The following ANK3 variants were observed in gnomAD, a reference collection of about 807,000 sequenced individuals.
ANK3 encodes ankyrin 3.
A neutral mutation model predicts 370.9 loss-of-function variants in ANK3; 57 were observed. The ratio of observed to expected loss-of-function variants is 0.15; its 90% CI spans 0.12 to 0.19. The LOEUF (loss-of-function observed/expected upper bound fraction) is 0.19, where lower values mean the gene tolerates loss of function less well. ANK3 is among the 10% of genes least tolerant of loss of function. The pLI is 1.00. For synonymous variants in ANK3, 1,929 were observed against 1,946.3 expected, an observed-to-expected ratio of 0.99 and a Z score of 0.23; for missense variants, 4,439 against 5,302.1, an observed-to-expected ratio of 0.84 and a Z score of 5.06.
In ANK3 at chr10:60,487,045, T is replaced by A. The variant is rs138693539; in HGVS notation, c.96+128141A>T. Among the ~76,000 whole-genome samples the A allele has an allele frequency of 4.4e-4, 67 of 152,264 alleles. 1 individual carries two copies. Among genetic ancestry groups the A allele is most frequent in the African/African-American group, 1.5e-3 (61 of 41,568 alleles). On this transcript the variant is annotated intron_variant, in intron 2 of 43. Transcript: ENST00000373827. ...TCCCAAATTTAATAACACAAATATA[T>A]TATTTGTTCCAAAAGTTAGAGCGAT... is the stretch of plus-strand genomic sequence containing the variant.
chr10:60,096,940 T>C (rs182415914), intron 28 of ANK3, among the ~76,000 whole-genome samples: 3 of 152,308 alleles, frequency 2.0e-5, no homozygotes, highest in African/African-American at 7.2e-5. Context: ...CCATAGACTA[T>C]GAAAAGACCC....
chr10:60,608,204 A>C (rs1190588383), intron 2 of ANK3, among the ~76,000 whole-genome samples: 1 of 152,198 alleles, frequency 6.6e-6, no homozygotes, highest in Non-Finnish European at 1.5e-5. Context: ...ATCATATAGC[A>C]CATAATGGCC....
intron 1 of ANK3, among the ~76,000 whole-genome samples, chr10:60,320,872 C>T (rs1291667471): frequency 1.3e-5 from 2 of 152,130 alleles, no homozygotes; most frequent in Non-Finnish European, 2.9e-5. Context: ...TGACTTCATG[C>T]AGCAGTGATT....
At chr10:60,357,233 A>G (rs1351259974) in intron 1 of ANK3, among the ~76,000 whole-genome samples, 2 of 152,142 alleles carry the variant, frequency 1.3e-5, no homozygotes, top group Non-Finnish European at 1.5e-5. Context: ...CTTCAGCCAT[A>G]CACTGGTGTG....
intron 23 of ANK3, among the ~76,000 whole-genome samples, chr10:60,157,886 AAG>A (rs59965251): frequency 0.11 from 14,255 of 132,596 alleles, 773 homozygotes; most frequent in Non-Finnish European, 0.13. Context: ...GAGAGAGAAA[AAG>A]AGAGAGAGAG....
At chr10:60,290,616 C>T (rs2041125948) in intron 1 of ANK3, among the ~76,000 whole-genome samples, 1 of 152,186 alleles carries the variant, frequency 6.6e-6, no homozygotes, top group Middle Eastern at 3.2e-3. Context: ...AGCTACAAGG[C>T]TGCCTTTGCA....
At chr10:60,085,610 C>CTTTTTTTT (rs10601268) in intron 30 of ANK3, among the ~76,000 whole-genome samples, 2 of 109,932 alleles carry the variant, frequency 1.8e-5, no homozygotes, top group East Asian at 3.3e-4. Flanking sequence ...GTCTCTTACT[C>CTTTTTTTT]TTTTTTTTTT....
At position 60,562,218 on chromosome 10, in the gene ANK3, G is replaced by T. The variant is rs555092622; in HGVS notation, c.96+52968C>A. Among the ~76,000 whole-genome samples, 6 of 152,264 alleles carry T rather than the reference G, an allele frequency of 3.9e-5. No homozygotes were observed. The East Asian group carries it at 9.7e-4, about 25-fold the overall frequency. ...TAGAAGTGAAAGATGAAAGTTTTAAGGTTGTCTACAAAGACAGCCTGCATT... is the reference window on the plus strand; with the variant it reads ...TAGAAGTGAAAGATGAAAGTTTTAATGTTGTCTACAAAGACAGCCTGCATT... On this transcript the variant is annotated intron_variant, in intron 2 of 43. Transcript: ENST00000373827.
rs866520390 is a variant in ANK3 at position 60,200,155 on chromosome 10, C to T, written c.1465G>A (p.Gly489Arg). 2.5e-6 allele frequency: 4 copies of T among 1,614,064 alleles called. No individual in the cohort carries two copies. Among genetic ancestry groups the T allele is most frequent in the Non-Finnish European group, 3.4e-6 (4 of 1,179,968 alleles). ...AEVVRYLVQD[G>R]AQVEAKAKDD... ...TTAGCTTTAGCTTCTACCTGAGCTCCGTCTTGTACCAGATACCGCACAACT... is the reference window on the plus strand; with the variant it reads ...TTAGCTTTAGCTTCTACCTGAGCTCTGTCTTGTACCAGATACCGCACAACT... The change falls in exon 13 of 44, where the codon GGA becomes AGA. Residue 489 changes from glycine (G) to arginine (R), a missense_variant. By Grantham distance (125) the Gly-to-Arg change is moderately radical. Transcript: ENST00000280772.
chr10:60,256,459 G>A (rs1245447897), intron 7 of ANK3, among the ~76,000 whole-genome samples: 1 of 152,188 alleles, frequency 6.6e-6, no homozygotes, highest in African/African-American at 2.4e-5. Context: ...TTGGCCTCAG[G>A]TTTGGACAGA....
rs1479755292 is a variant in ANK3 at position 60,068,504 on chromosome 10, G to A, written c.12244+133C>T. ...TGACAATGACATAATGAGAAACTAC[G>A]GTTAAGTCACTCCACAGGCAATCAC... On this transcript the variant is annotated intron_variant, in intron 37 of 43. Coordinates refer to ENST00000280772, the MANE Select transcript of ANK3 (RefSeq NM_020987.5). 1.9e-5 allele frequency: 18 copies of A among 939,772 alleles called. 1 individual carries two copies. Among genetic ancestry groups the A allele is most frequent in the South Asian group, 1.2e-4 (7 of 59,146 alleles). The allele number at this position is 939,772 out of a possible 1,614,324, so 58.2% of individuals were successfully genotyped here. A position where few individuals can be genotyped will look rare whatever the true frequency, so the allele number is the denominator to read the frequency against.
At position 60,075,509 on chromosome 10, in the gene ANK3, G is replaced by A. The variant is rs1365552870; in HGVS notation, c.5372C>T (p.Ser1791Phe). The A allele has an allele frequency of 6.2e-7, 1 of 1,613,580 alleles. No individual in the cohort carries two copies. The highest frequency in any genetic ancestry group is 1.1e-5 in the South Asian group (1 of 91,080). Residue 1791 changes from serine to phenylalanine, a missense_variant, in exon 37 of 44, where the codon TCT (serine) becomes TTT (phenylalanine). By Grantham distance (155) the Ser-to-Phe change is radical. Around this residue, in one of 13 missense-constraint regions of ANK3, gnomAD observed 679 missense variants for 791.0 expected, o/e 0.86. Coordinates refer to ENST00000280772, the MANE Select transcript of ANK3 (RefSeq NM_020987.5). ...TGCACTTGCGGAAGGAGTTCTTAGA[G>A]ACTGAAAAGCTGATGGTGCTGCAGA... is the stretch of plus-strand genomic sequence containing the variant. The part of the protein sequence containing the change: ...YVSAAPSAFQ[S>F]LRTPSASALY...
In ANK3 at chr10:60,438,709, G is replaced by A. The variant is rs146303625; in HGVS notation, c.97-159070C>T. On this transcript the variant is annotated intron_variant, in intron 2 of 43. Coordinates refer to the ANK3 transcript ENST00000373827. Reference sequence around the variant, plus strand: ...GGAGCCTTGAGCGGCCAGCAGTAATGACATAAGGAAGGGACGAGCAAAGAA... The same window carrying A: ...GGAGCCTTGAGCGGCCAGCAGTAATAACATAAGGAAGGGACGAGCAAAGAA... 7.1e-3 allele frequency among the ~76,000 whole-genome samples: 1,075 copies of A among 152,314 alleles called. 16 individuals are homozygous for A. The highest frequency in any genetic ancestry group is 0.024 in the African/African-American group (993 of 41,574).
At chr10:60,118,023 G>T (rs1436047980) in intron 25 of ANK3, among the ~76,000 whole-genome samples, 1 of 152,142 alleles carries the variant, frequency 6.6e-6, no homozygotes, top group Non-Finnish European at 1.5e-5. Context: ...AATAATTCCT[G>T]AAATGGAGAA....
intron 1 of ANK3, among the ~76,000 whole-genome samples, chr10:60,307,754 C>T (rs1350081772): frequency 2.0e-5 from 3 of 152,066 alleles, no homozygotes; most frequent in Non-Finnish European, 2.9e-5. Flanking sequence ...TCCACTTACC[C>T]ATTAGCTTTA....
chr10:60,545,243 G>A (rs1303369337), intron 2 of ANK3, among the ~76,000 whole-genome samples: 1 of 151,958 alleles, frequency 6.6e-6, no homozygotes, highest in African/African-American at 2.4e-5. Flanking sequence ...AATCATACAA[G>A]AAAGATACCA....
chr10:60,684,603 G>T, intron 1 of ANK3: 1 of 1,589,764 alleles, frequency 6.3e-7, no homozygotes, highest in Non-Finnish European at 8.6e-7. Context: ...GTGCTGGAAA[G>T]ACAACTGTCT....
chr10:60,278,789 G>C lies in ANK3; in HGVS notation c.399C>G (p.Val133=), dbSNP rs77316697. ...GTAGGCTTACCTGAGATTGTGCATT[G>C]ACATTGGCTCCATTTGTAACCAAGA... ...VKVLVTNGAN[V]NAQSQNGFTP... Residue 133 remains valine (V), a synonymous_variant, in exon 4 of 44, where the codon GTC becomes GTG. Transcript: ENST00000280772. 6 of 1,613,444 alleles carry C rather than the reference G, an allele frequency of 3.7e-6. No individual in the cohort carries two copies. In the African/African-American group the frequency reaches 8.0e-5, roughly 22 times the overall value.
chr10:60,255,446 A>G (rs2097720718), intron 7 of ANK3, among the ~76,000 whole-genome samples: 1 of 152,212 alleles, frequency 6.6e-6, no homozygotes, highest in South Asian at 2.1e-4. Flanking sequence ...ACCAAAGGAA[A>G]ACCTAGAGAC....
Sources: gnomAD v4.1 joint callset for allele counts (sites outside exome capture counted in the v4.1 genomes callset) on GRCh38, gnomAD v4.1.1 for gene constraint, gnomAD v4.1.1 regional missense constraint, MANE v1.5 for transcripts, NCBI Gene and HGNC (gene_info 2026-07-23, HGNC 2026-07-21) for gene names.